The following CACNA1D variants were observed in gnomAD, a reference collection of about 807,000 sequenced individuals.
CACNA1D encodes the protein calcium voltage-gated channel subunit alpha1 D, also known as voltage-dependent L-type calcium channel subunit alpha-1D.
CACNA1D carries 55 observed loss-of-function variants against 257.1 expected under a neutral mutation model. That is an observed-to-expected ratio of 0.21 (90% CI 0.17 to 0.27). The LOEUF (loss-of-function observed/expected upper bound fraction) is 0.27. Ranked by LOEUF, CACNA1D falls within the 10% of genes least tolerant of loss-of-function variation. The pLI, the probability that CACNA1D is intolerant of heterozygous loss-of-function variation, is 1.00. For missense variants in CACNA1D, 1,876 were observed against 2,784.0 expected (o/e 0.67, Z 7.34); for synonymous variants, 980 against 1,014.9 (o/e 0.97, Z 0.65).
intron 27 of CACNA1D, among the ~76,000 whole-genome samples, chr3:53,750,831 G>T (rs1559622862): frequency 6.6e-6 from 1 of 152,190 alleles, no homozygotes; most frequent in South Asian, 2.1e-4. Flanking sequence ...GAGAGCGGGG[G>T]TAGGTCTAGG....
intron 3 of CACNA1D, among the ~76,000 whole-genome samples, chr3:53,640,365 T>C (rs1432843828): frequency 2.0e-5 from 3 of 152,146 alleles, no homozygotes; most frequent in Admixed American, 1.3e-4. Flanking sequence ...CAGTGCCAAC[T>C]AGGATGGGGT....
chr3:53,518,090 T>C (rs191414547), intron 3 of CACNA1D, among the ~76,000 whole-genome samples: 2 of 152,334 alleles, frequency 1.3e-5, no homozygotes, highest in African/African-American at 4.8e-5. Flanking sequence ...AGTTCTGATA[T>C]GTGGGTCTTG....
At chr3:53,719,030 G>A (rs926642882) in intron 10 of CACNA1D, among the ~76,000 whole-genome samples, 9 of 152,098 alleles carry the variant, frequency 5.9e-5, no homozygotes, top group Admixed American at 3.3e-4. Context: ...GCTGGCGGGG[G>A]GGCTGGGGGG....
chr3:53,672,675 C>T (rs1362075105), intron 7 of CACNA1D, among the ~76,000 whole-genome samples: 1 of 151,814 alleles, frequency 6.6e-6, no homozygotes, highest in African/African-American at 2.4e-5. Context: ...AGACAGTTTC[C>T]TGTAAGAAAA....
intron 3 of CACNA1D, among the ~76,000 whole-genome samples, chr3:53,583,655 G>A (rs1488750291): frequency 6.6e-6 from 1 of 152,182 alleles, no homozygotes; most frequent in East Asian, 1.9e-4. Context: ...TGGTGAATCT[G>A]CACTCTATTT....
At chr3:53,594,860 T>C (rs2107829933) in intron 3 of CACNA1D, among the ~76,000 whole-genome samples, 2 of 152,334 alleles carry the variant, frequency 1.3e-5, no homozygotes, top group East Asian at 3.9e-4. Context: ...GATGTGAAGA[T>C]TTGTGATCAG....
chr3:53,544,008 G>A (rs1332198396), intron 3 of CACNA1D, among the ~76,000 whole-genome samples: 11 of 152,174 alleles, frequency 7.2e-5, no homozygotes, highest in Admixed American at 5.9e-4. Flanking sequence ...TATGCCTTCT[G>A]ATTTATTTTT....
chr3:53,696,398 G>A (rs892015878), intron 8 of CACNA1D, among the ~76,000 whole-genome samples: 1 of 152,184 alleles, frequency 6.6e-6, no homozygotes. Context: ...GTGTGCCCAC[G>A]TGCTGTGAGC....
In CACNA1D at chr3:53,770,909, C is replaced by G. The variant is rs79157464; in HGVS notation, c.4044+357C>G. ...ACTGCCTGGAAGCCCAACAGCCTCTCTCTGACACCTTTTCCTCATAAGGCT... is the reference window on the plus strand; with the variant it reads ...ACTGCCTGGAAGCCCAACAGCCTCTGTCTGACACCTTTTCCTCATAAGGCT... On this transcript the variant is annotated intron_variant, in intron 32 of 47. Transcript: ENST00000350061. Among the ~76,000 whole-genome samples the G allele has an allele frequency of 2.2e-3, 330 of 152,320 alleles. 2 individuals are homozygous for G. Among genetic ancestry groups the G allele is most frequent in the African/African-American group, 7.1e-3 (297 of 41,574 alleles).
chr3:53,675,055 G>C (rs2633707), intron 8 of CACNA1D, among the ~76,000 whole-genome samples: 90,648 of 152,132 alleles, frequency 0.6, 28,714 homozygotes, highest in African/African-American at 0.81. Flanking sequence ...CTTCCTTTCT[G>C]CATCTTCCCC....
chr3:53,725,437 C>T (rs1056102751), intron 14 of CACNA1D, among the ~76,000 whole-genome samples: 1 of 152,160 alleles, frequency 6.6e-6, no homozygotes, highest in African/African-American at 2.4e-5. Context: ...TCAGAGGGCA[C>T]ATGTGTTGGC....
chr3:53,643,432 G>T (rs907103498), intron 3 of CACNA1D, among the ~76,000 whole-genome samples: 1 of 151,996 alleles, frequency 6.6e-6, no homozygotes, highest in Admixed American at 6.5e-5. Context: ...AAACGTGTAG[G>T]GTCGTGAGTG....
rs60026644 is a variant in CACNA1D at position 53,684,621 on chromosome 3, C to CAAAAA, written c.1220+11514_1220+11518dup. ...CTGGGCAACAAGAGTGAAACTCTGT[C>CAAAAA]AAAAAAAAAAAAAAAAAAAAAAAGC... is the stretch of plus-strand genomic sequence containing the variant. On this transcript the variant is annotated intron_variant, in intron 8 of 47. Transcript: ENST00000350061. Among the ~76,000 whole-genome samples the CAAAAA allele has an allele frequency of 1.7e-4, 14 of 84,474 alleles. 1 individual carries two copies. The highest frequency in any genetic ancestry group is 1.1e-3 in the East Asian group (4 of 3,658). The allele number at this position is 84,474 out of a possible 152,430, so 55.4% of individuals were successfully genotyped here.
At chr3:53,731,529 G>A (rs1311042776) in intron 17 of CACNA1D, among the ~76,000 whole-genome samples, 1 of 152,202 alleles carries the variant, frequency 6.6e-6, no homozygotes, top group Non-Finnish European at 1.5e-5. Flanking sequence ...GGATCAGGTG[G>A]CCTCAGGGCT....
intron 3 of CACNA1D, among the ~76,000 whole-genome samples, chr3:53,546,655 C>T (rs1407368471): frequency 6.6e-6 from 1 of 152,154 alleles, no homozygotes; most frequent in Non-Finnish European, 1.5e-5. Flanking sequence ...CAAGCCACCC[C>T]CATGTGCTTG....
At chr3:53,747,205 C>T (rs989092724) in intron 25 of CACNA1D, 97 bp from the exon 26 acceptor site, 1 of 1,009,760 alleles carries the variant, frequency 9.9e-7, no homozygotes, top group Non-Finnish European at 1.5e-6. Context: ...TGAGTGTGAC[C>T]TGCCTGGAGG....
intron 3 of CACNA1D, among the ~76,000 whole-genome samples, chr3:53,548,763 T>C (rs1301633338): frequency 1.3e-5 from 2 of 152,250 alleles, no homozygotes; most frequent in Non-Finnish European, 2.9e-5. Flanking sequence ...GTGGTTCTTA[T>C]TGTAGATACT....
intron 3 of CACNA1D, among the ~76,000 whole-genome samples, chr3:53,570,685 C>T (rs2092927221): frequency 6.6e-6 from 1 of 152,328 alleles, no homozygotes; most frequent in Middle Eastern, 3.4e-3. Flanking sequence ...CCCAAACATA[C>T]GGACTCTCTC....
Position 53,811,157 on chromosome 3 carries a change from A to C in CACNA1D, c.6237A>C (p.Lys2079Asn), listed in dbSNP as rs1260954979. The C allele has an allele frequency of 2.5e-6, 4 of 1,613,898 alleles. No homozygotes were observed. The East Asian group carries it at 6.7e-5, about 27-fold the overall frequency. Residue 2079 changes from lysine (K) to asparagine (N), a missense_variant, in exon 48 of 48, where the codon AAA becomes AAC. Lys to Asn is a moderately conservative substitution (Grantham distance 94). This residue lies in a region of CACNA1D where 491 missense variants were observed against 554.3 expected (regional missense o/e 0.89). Transcript: ENST00000350061. This position sits in a 1 kb window ranked among gnomAD's most constrained non-coding sequence, Gnocchi z 4.2. The stretch of plus-strand genomic sequence containing the variant: ...TGGGACGCTATGCAAGGGACCCAAA[A>C]TTTGTGTCAGCAACAAAACACGAAA... Reference protein sequence around the residue: ...EGLGRYARDPKFVSATKHEIA... With the variant: ...EGLGRYARDPNFVSATKHEIA...
Sources: allele counts gnomAD v4.1 joint callset (sites outside exome capture counted in the v4.1 genomes callset), GRCh38; gene constraint gnomAD v4.1.1; regional missense constraint gnomAD v4.1.1; non-coding constraint Gnocchi (gnomAD v3.1); transcripts MANE v1.5; gene names NCBI Gene and HGNC (gene_info 2026-07-23, HGNC 2026-07-21).